The following ACACA variants were observed in gnomAD, a reference collection of about 807,000 sequenced individuals.
ACACA encodes acetyl-CoA carboxylase alpha, also known as acetyl-CoA carboxylase 1.
Under a neutral mutation model 296.1 loss-of-function variants are expected in ACACA, and 103 were observed. The ratio of observed to expected loss-of-function variants is 0.35; its 90% confidence interval spans 0.30 to 0.41. The LOEUF is 0.41. Ranked by LOEUF, ACACA falls within the 10% of genes least tolerant of loss-of-function variation. ACACA has a pLI of 1.00. For synonymous variants in ACACA, 953 were observed against 1,038.6 expected (o/e 0.92, Z 1.58); for missense variants, 1,554 against 2,989.7 (o/e 0.52, Z 11.20).
chr17:37,269,780 G>A (rs377718812), intron 10 of ACACA, among the ~76,000 whole-genome samples: 13 of 110,466 alleles, frequency 1.2e-4, no homozygotes, highest in East Asian at 1.0e-3. Flanking sequence ...AAAAAAAAGC[G>A]AAATAAAAGG....
intron 1 of ACACA, chr17:37,389,190 A>G (rs2050679637): frequency 6.5e-7 from 1 of 1,535,830 alleles, no homozygotes; most frequent in African/African-American, 1.4e-5. Context: ...GGTTTGGAAG[A>G]AAACCAAATG....
At position 37,269,273 on chromosome 17, in the gene ACACA, C is replaced by G. The variant is rs79410844; in HGVS notation, c.1119+1478G>C. 8.3e-3 allele frequency among the ~76,000 whole-genome samples: 1,269 copies of G among 152,214 alleles called. 14 individuals carry two copies. Among genetic ancestry groups the G allele is most frequent in the African/African-American group, 0.029 (1,214 of 41,532 alleles). On this transcript the variant is annotated intron_variant, in intron 10 of 55. Transcript: ENST00000616317. ...ATAGGCATAAGCCACCAATCCTGGC[C>G]AAGACAACACCTTTATCACTTCCTT... is the stretch of plus-strand genomic sequence containing the variant.
intron 52 of ACACA, among the ~76,000 whole-genome samples, chr17:37,108,223 C>A (rs1286494778): frequency 6.6e-6 from 1 of 152,082 alleles, no homozygotes; most frequent in African/African-American, 2.4e-5. Flanking sequence ...TACATATTTT[C>A]TGTTATAATC....
At chr17:37,212,714 C>T (rs1181939283) in intron 29 of ACACA, among the ~76,000 whole-genome samples, 1 of 151,120 alleles carries the variant, frequency 6.6e-6, no homozygotes, top group Non-Finnish European at 1.5e-5. Context: ...TAGTCTTGAA[C>T]TCCTGAGCTC....
At chr17:37,124,820 C>A (rs1034233251) in intron 48 of ACACA, among the ~76,000 whole-genome samples, 1 of 152,198 alleles carries the variant, frequency 6.6e-6, no homozygotes, top group African/African-American at 2.4e-5. Flanking sequence ...AGCATGGAGG[C>A]GTGCTGACCT....
At chr17:37,284,374 C>T (rs2082677723) in intron 4 of ACACA, among the ~76,000 whole-genome samples, 1 of 152,170 alleles carries the variant, frequency 6.6e-6, no homozygotes, top group Non-Finnish European at 1.5e-5. Flanking sequence ...CACCAGCACC[C>T]ACAAGCTAAT....
intron 54 of ACACA, among the ~76,000 whole-genome samples, chr17:37,092,112 C>T (rs1276298793): frequency 6.6e-6 from 1 of 151,632 alleles, no homozygotes; most frequent in Non-Finnish European, 1.5e-5. Context: ...CATGGCAAAA[C>T]CCCACCTCTA....
intron 3 of ACACA, among the ~76,000 whole-genome samples, chr17:37,316,302 TAC>T (rs10533479): frequency 2.7e-3 from 390 of 141,976 alleles, no homozygotes; most frequent in South Asian, 3.0e-3. Flanking sequence ...TACCCTTACA[TAC>T]ACACACACAC....
intron 13 of ACACA, 34 bp downstream of exon 13, chr17:37,258,178 A>C: frequency 6.2e-7 from 1 of 1,608,308 alleles, no homozygotes; most frequent in Non-Finnish European, 8.5e-7. Context: ...AAGTTCATTA[A>C]AAGGAGGTAT....
At chr17:37,205,715 C>T (rs1483080079) in intron 33 of ACACA, 50 bp downstream of exon 33, 1 of 1,359,262 alleles carries the variant, frequency 7.4e-7, no homozygotes, top group Non-Finnish European at 1.1e-6. Flanking sequence ...CTATGATACA[C>T]AGCCAGTAGA....
chr17:37,290,654 G>T (rs1050382393), intron 3 of ACACA, among the ~76,000 whole-genome samples: 7 of 152,142 alleles, frequency 4.6e-5, no homozygotes, highest in Non-Finnish European at 1.0e-4. Context: ...AAGTTAACCT[G>T]CACTGAATAT....
intron 1 of ACACA, chr17:37,379,453 C>A (rs931408871): frequency 6.7e-7 from 1 of 1,496,114 alleles, no homozygotes. Context: ...GCCAGAACTC[C>A]GTAGCAGGAA....
In ACACA at chr17:37,284,838, C is replaced by T; in HGVS notation, c.471G>A (p.Lys157=). 3 of 1,614,146 alleles carry T rather than the reference C, an allele frequency of 1.9e-6. No homozygotes were observed. The highest frequency in any genetic ancestry group is 1.1e-5 in the South Asian group (1 of 91,084). The change falls in exon 4 of 56, where the codon AAG becomes AAA. Residue 157 remains lysine (K), a splice_region_variant and synonymous_variant. Transcript: ENST00000616317. Reference sequence around the variant, plus strand: ...AATAATTCAGCAAGTTACAACTTACCTTCTCAATCACTTTATTTCCCCCAA... The same window carrying T: ...AATAATTCAGCAAGTTACAACTTACTTTCTCAATCACTTTATTTCCCCCAA... The part of the protein sequence containing the change: ...TRFGGNKVIE[K]VLIANNGIAA...
At chr17:37,104,562 T>C (rs2073554790) in intron 52 of ACACA, among the ~76,000 whole-genome samples, 1 of 152,148 alleles carries the variant, frequency 6.6e-6, no homozygotes, top group South Asian at 2.1e-4. Flanking sequence ...CAAATTGACT[T>C]GAAAGTATCC....
At chr17:37,272,309 C>T (rs1297404023) in intron 9 of ACACA, among the ~76,000 whole-genome samples, 1 of 152,068 alleles carries the variant, frequency 6.6e-6, no homozygotes, top group Non-Finnish European at 1.5e-5. Flanking sequence ...CATCACTGTA[C>T]TCCAGCCTGG....
intron 45 of ACACA, among the ~76,000 whole-genome samples, chr17:37,142,987 GAGA>G (rs2075656761): frequency 6.6e-6 from 1 of 152,180 alleles, no homozygotes; most frequent in African/African-American, 2.4e-5. Context: ...ATGAACCTTA[GAGA>G]AGACTATGGC....
chr17:37,248,733 AAAACATTATT>A, intron 16 of ACACA, 59 bp from the exon 17 acceptor site: 1 of 1,217,892 alleles, frequency 8.2e-7, no homozygotes, highest in Non-Finnish European at 1.2e-6. Flanking sequence ...AAGAGAATCT[AAAACATTATT>A]GATTGTAGCA....
At chr17:37,388,214 C>T (rs555740359) in intron 1 of ACACA, among the ~76,000 whole-genome samples, 9 of 152,128 alleles carry the variant, frequency 5.9e-5, no homozygotes, top group African/African-American at 2.2e-4. Flanking sequence ...AGAAGCAGTG[C>T]TAATTTTTAC....
At chr17:37,362,485 T>C (rs1048162096) in intron 1 of ACACA, among the ~76,000 whole-genome samples, 3 of 152,230 alleles carry the variant, frequency 2.0e-5, no homozygotes, top group African/African-American at 7.2e-5. Context: ...TCACACTCTT[T>C]AGATGATAGC....
Sources: allele counts gnomAD v4.1 joint callset (sites outside exome capture counted in the v4.1 genomes callset), GRCh38; gene constraint gnomAD v4.1.1; transcripts MANE v1.5; gene names NCBI Gene and HGNC (gene_info 2026-07-23, HGNC 2026-07-21).